The following LRP5 variants were observed in gnomAD, a reference collection of about 807,000 sequenced individuals.
LRP5 encodes the protein low-density lipoprotein receptor-related protein 5.
A neutral mutation model predicts 154.1 loss-of-function variants in LRP5; 62 were observed. The observed-to-expected ratio is 0.40, with a 90% confidence interval of 0.33 to 0.50. The LOEUF is 0.50. LRP5 is among the 20% of genes least tolerant of loss of function. The probability of loss-of-function intolerance (pLI) is 0.55; values close to 1 mark genes in which losing one functional copy is unlikely to be tolerated. For synonymous variants in LRP5, 966 were observed against 1,011.5 expected (o/e 0.96, Z 0.85); for missense variants, 1,915 against 2,336.7 (o/e 0.82, Z 3.72).
At chr11:68,445,899 C>G (rs2098681189) in intron 21 of LRP5, among the ~76,000 whole-genome samples, 1 of 152,212 alleles carries the variant, frequency 6.6e-6, no homozygotes, top group Non-Finnish European at 1.5e-5. Context: ...AGCGTGGTGA[C>G]TTCTGTGTCA....
At chr11:68,378,208 G>A (rs1226845497) in intron 5 of LRP5, among the ~76,000 whole-genome samples, 8 of 152,240 alleles carry the variant, frequency 5.3e-5, no homozygotes, top group Admixed American at 2.6e-4. Flanking sequence ...GGGGCATGGA[G>A]GGTATTAACT....
intron 1 of LRP5, among the ~76,000 whole-genome samples, chr11:68,343,910 G>C (rs192258032): frequency 6.6e-6 from 1 of 152,162 alleles, no homozygotes; most frequent in South Asian, 2.1e-4. Flanking sequence ...CCGGGGCCTG[G>C]GGGCAGGGAC....
At chr11:68,358,890 C>T (rs904781970) in intron 3 of LRP5, among the ~76,000 whole-genome samples, 5 of 152,194 alleles carry the variant, frequency 3.3e-5, no homozygotes, top group African/African-American at 1.2e-4. Context: ...CCCATTCCTG[C>T]ACTAGTGGAG....
At chr11:68,429,890 T>C (rs1254535815) in intron 17 of LRP5, among the ~76,000 whole-genome samples, 190 bp downstream of exon 17, 1 of 152,242 alleles carries the variant, frequency 6.6e-6, no homozygotes, top group Non-Finnish European at 1.5e-5. Context: ...TTCCTCTAAG[T>C]ACTGCGTTTC....
At chr11:68,442,789 T>C (rs1255403165) in intron 21 of LRP5, among the ~76,000 whole-genome samples, 1 of 152,242 alleles carries the variant, frequency 6.6e-6, no homozygotes, top group African/African-American at 2.4e-5. Context: ...GCTGAAGAAC[T>C]GAGCATGAAC....
intron 18 of LRP5, among the ~76,000 whole-genome samples, chr11:68,435,054 C>G (rs2098674110): frequency 1.3e-5 from 2 of 152,348 alleles, no homozygotes; most frequent in South Asian, 4.1e-4. Flanking sequence ...TCTTGGTGCA[C>G]AGCCATGCCC....
At chr11:68,309,642 G>C (rs2098586556), upstream of LRP5, among the ~76,000 whole-genome samples, 1 of 143,652 alleles carries the variant, frequency 7.0e-6, no homozygotes, top group Admixed American at 7.1e-5. Flanking sequence ...ATAACTGACT[G>C]TCCAGTAGAG....
At chr11:68,357,234 C>T (rs1351309887) in intron 2 of LRP5, among the ~76,000 whole-genome samples, 1 of 152,124 alleles carries the variant, frequency 6.6e-6, no homozygotes, top group East Asian at 1.9e-4. Flanking sequence ...TGGGCCCAGC[C>T]GATAGCTCAT....
At chr11:68,320,542 A>G (rs2098596159) in intron 1 of LRP5, among the ~76,000 whole-genome samples, 1 of 150,578 alleles carries the variant, frequency 6.6e-6, no homozygotes, top group African/African-American at 2.4e-5. Flanking sequence ...GTTCACTGCA[A>G]CCTCTGCCTC....
chr11:68,348,802 G>T (rs2098615889), intron 2 of LRP5, among the ~76,000 whole-genome samples: 1 of 152,114 alleles, frequency 6.6e-6, no homozygotes, highest in Non-Finnish European at 1.5e-5. Flanking sequence ...AAATGAATCG[G>T]GTGTGATGGT....
At position 68,426,072 on chromosome 11, in the gene LRP5, G is replaced by T. The variant is rs368719679; in HGVS notation, c.3522G>T (p.Gln1174His). 6.2e-7 allele frequency: 1 copy of T among 1,613,628 alleles called. No individual in the cohort carries two copies. Among genetic ancestry groups the T allele is most frequent in the African/African-American group, 1.3e-5 (1 of 74,956 alleles). Residue 1174 changes from glutamine (Q) to histidine (H), a missense_variant, in exon 16 of 23, where the codon CAG becomes CAT. Physicochemically the swap from Gln to His is conservative, Grantham distance 24. Coordinates refer to ENST00000294304, the MANE Select transcript of LRP5 (RefSeq NM_002335.4). ...ATCTCTACTGGATCGACCGCCAGCA[G>T]CAGATGATCGAGCGTGTGGAGAAGA... ...GKHLYWIDRQ[Q>H]QMIERVEKTT... is the part of the protein sequence containing the mutation.
At chr11:68,337,110 C>T (rs1054840376) in intron 1 of LRP5, among the ~76,000 whole-genome samples, 55 of 152,338 alleles carry the variant, frequency 3.6e-4, no homozygotes, top group African/African-American at 1.3e-3. Context: ...GGGGGTATAA[C>T]AGGACCAGGG....
intron 21 of LRP5, among the ~76,000 whole-genome samples, chr11:68,443,962 A>G (rs2098680048): frequency 1.3e-5 from 2 of 151,266 alleles, no homozygotes; most frequent in South Asian, 4.2e-4. Flanking sequence ...CCCAGCCCAC[A>G]CTCTCTTTCT....
chr11:68,362,030 C>T (rs1397312380), intron 3 of LRP5, among the ~76,000 whole-genome samples: 1 of 152,158 alleles, frequency 6.6e-6, no homozygotes, highest in African/African-American at 2.4e-5. Context: ...CACAAAGGTC[C>T]CCCAGTGGGT....
intron 5 of LRP5, among the ~76,000 whole-genome samples, chr11:68,377,406 G>A (rs1364363046): frequency 1.3e-5 from 2 of 152,194 alleles, no homozygotes; most frequent in African/African-American, 4.8e-5. Flanking sequence ...GTGCTTGCTG[G>A]AAGGTCCCAG....
chr11:68,334,085 T>G (rs1015824078), intron 1 of LRP5, among the ~76,000 whole-genome samples: 4 of 152,040 alleles, frequency 2.6e-5, no homozygotes, highest in Non-Finnish European at 5.9e-5. Context: ...AATACAAAAA[T>G]TAGCTGGGCG....
Position 68,413,309 on chromosome 11 carries a change from T to G in LRP5, c.2504-380T>G. On this transcript the variant is annotated intron_variant, in intron 11 of 22. Coordinates refer to ENST00000294304, the MANE Select transcript of LRP5 (RefSeq NM_002335.4). The surrounding 1 kb of genome is among the most constrained non-coding windows in gnomAD (Gnocchi z 5.1). ...AGCCTGGCCGTCACTCCTCGGTACG[T>G]GTTTTGGACTTAAACGCTCCGGATG... 1 of 380,216 alleles carries G rather than the reference T, an allele frequency of 2.6e-6. No individual in the cohort carries two copies. The highest frequency in any genetic ancestry group is 4.1e-5 in the Admixed American group (1 of 24,464). 23.6% of individuals were successfully genotyped at this position (380,216 alleles called of 1,614,324 possible).
chr11:68,372,123 A>G (rs901789856), intron 5 of LRP5, among the ~76,000 whole-genome samples: 3 of 152,164 alleles, frequency 2.0e-5, no homozygotes, highest in Non-Finnish European at 4.4e-5. Flanking sequence ...GTTTAGGCCA[A>G]GAGGATTCAG....
At chr11:68,362,398 T>G (rs1013173032) in intron 3 of LRP5, among the ~76,000 whole-genome samples, 2 of 152,092 alleles carry the variant, frequency 1.3e-5, no homozygotes, top group African/African-American at 4.8e-5. Context: ...AGTGGTAAAT[T>G]TAGGCTGGGT....
Sources: gnomAD v4.1 joint callset for allele counts (sites outside exome capture counted in the v4.1 genomes callset) on GRCh38, gnomAD v4.1.1 for gene constraint, Gnocchi (gnomAD v3.1) non-coding constraint, MANE v1.5 for transcripts, NCBI Gene and HGNC (gene_info 2026-07-23, HGNC 2026-07-21) for gene names.